CNTN5: variants seen among roughly 807,000 people sequenced by gnomAD.
CNTN5 encodes contactin-5.
In CNTN5, 77 loss-of-function variants were observed where a neutral mutation model predicts 129.1. That is an observed-to-expected ratio of 0.60 (90% CI 0.50 to 0.72). The LOEUF (loss-of-function observed/expected upper bound fraction) is 0.72, where lower values mean the gene tolerates loss of function less well. Among genes scored for constraint, CNTN5 ranks in the 30% least tolerant of loss-of-function variants. CNTN5 has a pLI of 0.00. For synonymous variants in CNTN5, 509 were observed against 465.6 expected, an observed-to-expected ratio of 1.09 and a Z score of -1.20; for missense variants, 1,478 against 1,328.8, an observed-to-expected ratio of 1.11 and a Z score of -1.75.
intron 4 of CNTN5, among the ~76,000 whole-genome samples, chr11:99,839,459 T>C (rs1256011096): frequency 2.0e-5 from 3 of 151,984 alleles, no homozygotes; most frequent in Non-Finnish European, 2.9e-5. Context: ...GGGAGGACCA[T>C]TGAAGTTGAG....
At chr11:99,366,161 T>G (rs1292408212) in intron 2 of CNTN5, among the ~76,000 whole-genome samples, 2 of 152,150 alleles carry the variant, frequency 1.3e-5, no homozygotes, top group Non-Finnish European at 2.9e-5. Flanking sequence ...GTTTGCTCAC[T>G]AATGATTATT....
At chr11:99,591,356 G>A (rs936403099) in intron 3 of CNTN5, among the ~76,000 whole-genome samples, 2 of 20,778 alleles carry the variant, frequency 9.6e-5, no homozygotes, top group African/African-American at 3.4e-4. Context: ...TTTTTTTTTT[G>A]AGACAGAATC....
At chr11:99,787,932 G>A (rs1014939039) in intron 3 of CNTN5, among the ~76,000 whole-genome samples, 3 of 151,794 alleles carry the variant, frequency 2.0e-5, no homozygotes, top group African/African-American at 7.3e-5. Context: ...TTTTAATGTG[G>A]TTTCTTTAAT....
chr11:99,886,241 A>C lies in CNTN5; in HGVS notation c.578-29813A>C, dbSNP rs961548009. Among the ~76,000 whole-genome samples the C allele has an allele frequency of 2.6e-5, 4 of 152,092 alleles. No individual in the cohort carries two copies. The East Asian group carries it at 7.7e-4, about 29-fold the overall frequency. ...TATTAATAACTCTTATTTAAAATTC[A>C]GCATAAAAATGTACATACTAAAATC... On this transcript the variant is annotated intron_variant, in intron 6 of 24. Transcript: ENST00000524871.
chr11:100,321,773 G>A (rs528072292), intron 21 of CNTN5, among the ~76,000 whole-genome samples: 1 of 151,954 alleles, frequency 6.6e-6, no homozygotes, highest in African/African-American at 2.4e-5. Flanking sequence ...TGTTGAATTT[G>A]TCAAATGCTT....
At chr11:99,610,927 T>A (rs975049962) in intron 3 of CNTN5, among the ~76,000 whole-genome samples, 1 of 151,676 alleles carries the variant, frequency 6.6e-6, no homozygotes, top group African/African-American at 2.4e-5. Flanking sequence ...AAGCGGGGAG[T>A]AGACACACAA....
chr11:100,347,726 T>TA (rs141058128), intron 23 of CNTN5, among the ~76,000 whole-genome samples: 6,304 of 152,150 alleles, frequency 0.041, 182 homozygotes, highest in Middle Eastern at 0.11. Flanking sequence ...TCCATTGTCT[T>TA]ACTGACTCCT....
At position 100,064,282 on chromosome 11, in the gene CNTN5, CA is replaced by C. The variant is rs1943605386; in HGVS notation, c.1162+2890del. Among the ~76,000 whole-genome samples, 5 of 152,016 alleles carry C rather than the reference CA, an allele frequency of 3.3e-5. No individual in the cohort carries two copies. The South Asian group carries it at 1.0e-3, about 32-fold the overall frequency. ...TAGCTATTAGTTTCAAAAAATGAAC[CA>C]GGGATCTAAGGCAGCATTTCTAGTC... is the stretch of plus-strand genomic sequence containing the variant. On this transcript the variant is annotated intron_variant, in intron 10 of 24. Coordinates refer to ENST00000524871, the MANE Select transcript of CNTN5 (RefSeq NM_014361.4).
chr11:99,655,297 T>A (rs2135895433), intron 3 of CNTN5, among the ~76,000 whole-genome samples: 1 of 152,202 alleles, frequency 6.6e-6, no homozygotes, highest in East Asian at 1.9e-4. Flanking sequence ...CAGTATCTAG[T>A]GCTACAAGAC....
At chr11:99,958,120 G>A (rs1950851015) in intron 8 of CNTN5, among the ~76,000 whole-genome samples, 1 of 152,104 alleles carries the variant, frequency 6.6e-6, no homozygotes, top group South Asian at 2.1e-4. Flanking sequence ...AGGCCTCACA[G>A]TTAGGTAACG....
intron 3 of CNTN5, among the ~76,000 whole-genome samples, chr11:99,675,208 G>A (rs1042900979): frequency 2.0e-5 from 3 of 152,094 alleles, no homozygotes; most frequent in Admixed American, 2.0e-4. Flanking sequence ...AATCTAGTAG[G>A]ATAGTCACTT....
chr11:99,272,304 T>G (rs17133356), intron 1 of CNTN5, among the ~76,000 whole-genome samples: 4,523 of 151,904 alleles, frequency 0.03, 463 homozygotes, highest in East Asian at 0.24. Context: ...CAGTCTTTTT[T>G]TTTTTTAACT....
At chr11:100,322,696 T>C (rs950783963) in intron 21 of CNTN5, among the ~76,000 whole-genome samples, 4 of 152,222 alleles carry the variant, frequency 2.6e-5, no homozygotes, top group Non-Finnish European at 5.9e-5. Flanking sequence ...TTCATAATCA[T>C]GGTATATTCC....
chr11:100,132,693 A>T (rs1441803928), intron 13 of CNTN5, among the ~76,000 whole-genome samples: 1 of 152,138 alleles, frequency 6.6e-6, no homozygotes, highest in Non-Finnish European at 1.5e-5. Flanking sequence ...GTAACTAAGC[A>T]ATAAAATCCC....
intron 1 of CNTN5, among the ~76,000 whole-genome samples, chr11:99,131,114 T>TCGCTGGGCCTGGTG (rs1858910293): frequency 1.3e-3 from 2 of 1,588 alleles, no homozygotes; most frequent in Admixed American, 0.02. Flanking sequence ...TACAAAAAAT[T>TCGCTGGGCCTGGTG]ACAGGCACCT....
intron 2 of CNTN5, among the ~76,000 whole-genome samples, chr11:99,400,162 C>T (rs1565550719): frequency 6.6e-6 from 1 of 152,074 alleles, no homozygotes; most frequent in African/African-American, 2.4e-5. Context: ...CCTTTTACCC[C>T]TCTACCACCC....
intron 21 of CNTN5, chr11:100,337,141 A>C: frequency 7.1e-7 from 1 of 1,417,910 alleles, no homozygotes; most frequent in Non-Finnish European, 9.9e-7. Context: ...AATAGATGAC[A>C]TGACAGCTGC....
chr11:99,894,945 C>G (rs1303486956), intron 6 of CNTN5, among the ~76,000 whole-genome samples: 1 of 152,128 alleles, frequency 6.6e-6, no homozygotes, highest in African/African-American at 2.4e-5. Flanking sequence ...CCCAAAGTCA[C>G]CAGAGTATTT....
intron 16 of CNTN5, among the ~76,000 whole-genome samples, chr11:100,234,571 T>G (rs900772158): frequency 4.7e-5 from 7 of 150,386 alleles, no homozygotes; most frequent in Admixed American, 4.0e-4. Context: ...ATGTTCTCAC[T>G]CATAAGTGGG....
Sources: allele counts gnomAD v4.1 joint callset (sites outside exome capture counted in the v4.1 genomes callset), GRCh38; gene constraint gnomAD v4.1.1; transcripts MANE v1.5; gene names NCBI Gene and HGNC (gene_info 2026-07-23, HGNC 2026-07-21).